The following CACNA1D variants were observed in gnomAD, a reference collection of about 807,000 sequenced individuals.
CACNA1D encodes the protein voltage-dependent L-type calcium channel subunit alpha-1D.
CACNA1D carries 55 observed loss-of-function variants against 257.1 expected under a neutral mutation model. The ratio of observed to expected loss-of-function variants is 0.21; its 90% CI spans 0.17 to 0.27. The LOEUF (loss-of-function observed/expected upper bound fraction) is 0.27, where lower values mean the gene tolerates loss of function less well. Among genes scored for constraint, CACNA1D ranks in the 10% least tolerant of loss-of-function variants. The pLI is 1.00. For synonymous variants in CACNA1D, 980 were observed against 1,014.9 expected (o/e 0.97, Z 0.65); for missense variants, 1,876 against 2,784.0 (o/e 0.67, Z 7.34).
chr3:53,680,532 G>T (rs2094420175), intron 8 of CACNA1D, among the ~76,000 whole-genome samples: 1 of 152,170 alleles, frequency 6.6e-6, no homozygotes, highest in Non-Finnish European at 1.5e-5. Flanking sequence ...GAGGGAGGTT[G>T]TTGAGGGTAT....
At chr3:53,651,881 T>C (rs2094101188) in intron 4 of CACNA1D, among the ~76,000 whole-genome samples, 1 of 152,192 alleles carries the variant, frequency 6.6e-6, no homozygotes, top group African/African-American at 2.4e-5. Context: ...TGCCTTTTCA[T>C]TGGAGACTAA....
At chr3:53,591,800 A>G (rs1199984437) in intron 3 of CACNA1D, among the ~76,000 whole-genome samples, 1 of 152,232 alleles carries the variant, frequency 6.6e-6, no homozygotes, top group Non-Finnish European at 1.5e-5. Flanking sequence ...TGACTAAAAG[A>G]AATAACCAGT....
rs997089610 is a variant in CACNA1D, at chr3:53,494,888, A to G, written c.-279A>G. Reference sequence around the variant, plus strand: ...CAGCAAAAAATTACATGTATATATTATTAAGATAATATATACATTGGATTT... The same window carrying G: ...CAGCAAAAAATTACATGTATATATTGTTAAGATAATATATACATTGGATTT... On this transcript the variant is annotated 5_prime_UTR_variant, in exon 1 of 48. Coordinates refer to ENST00000350061, the MANE Select transcript of CACNA1D (RefSeq NM_001128840.3). 5.0e-5 allele frequency: 18 copies of G among 357,048 alleles called. No individual in the cohort carries two copies. Among genetic ancestry groups the G allele is most frequent in the Non-Finnish European group, 9.0e-5 (17 of 189,286 alleles). The allele number at this position is 357,048 out of a possible 1,614,324, so 22.1% of individuals were successfully genotyped here. A position where few individuals can be genotyped will look rare whatever the true frequency, so the allele number is the denominator to read the frequency against.
chr3:53,611,323 T>C (rs1215656195), intron 3 of CACNA1D, among the ~76,000 whole-genome samples: 1 of 152,180 alleles, frequency 6.6e-6, no homozygotes, highest in East Asian at 1.9e-4. Flanking sequence ...AGTTGGAGGC[T>C]GCAGTTGAGT....
chr3:53,759,729 G>A (rs534512221), intron 29 of CACNA1D, among the ~76,000 whole-genome samples: 6 of 152,322 alleles, frequency 3.9e-5, no homozygotes, highest in South Asian at 2.1e-4. Flanking sequence ...TTATCCATTC[G>A]CAACAAGAGC....
chr3:53,682,365 T>TTAAAAAAAAAAAAAAA, intron 8 of CACNA1D, among the ~76,000 whole-genome samples: 1 of 47,366 alleles, frequency 2.1e-5, no homozygotes, highest in East Asian at 6.3e-4. Context: ...TTGTCTCTGG[T>TTAAAAAAAAAAAAAAA]AAAAAAAAAA....
At chr3:53,730,938 C>A in intron 16 of CACNA1D, 139 bp from the exon 17 acceptor site, 1 of 659,298 alleles carries the variant, frequency 1.5e-6, no homozygotes, top group Non-Finnish European at 2.7e-6. Context: ...TTGGGTTGTG[C>A]TAGGCTCTTG....
At chr3:53,618,381 C>T (rs190826794) in intron 3 of CACNA1D, among the ~76,000 whole-genome samples, 5 of 152,330 alleles carry the variant, frequency 3.3e-5, no homozygotes, top group African/African-American at 1.2e-4. Context: ...TGTGCTGATG[C>T]GGAGACTTCC....
rs543289157 is a variant in CACNA1D, at chr3:53,567,205, C to T, written c.483+65485C>T. On this transcript the variant is annotated intron_variant, in intron 3 of 47. Transcript: ENST00000350061. The stretch of plus-strand genomic sequence containing the variant: ...ATGGTACCCCAACTCAGCACACACT[C>T]ACTAATAATTCATCGCTAAAGTTCA... Among the ~76,000 whole-genome samples the T allele has an allele frequency of 6.6e-5, 10 of 152,304 alleles. No individual in the cohort carries two copies. The South Asian group carries it at 1.7e-3, about 25-fold the overall frequency.
At chr3:53,688,913 TGTACTGTCCCCAGAGGC>T (rs1480255862) in intron 8 of CACNA1D, among the ~76,000 whole-genome samples, 1 of 152,042 alleles carries the variant, frequency 6.6e-6, no homozygotes, top group Non-Finnish European at 1.5e-5. Flanking sequence ...TGCTGAGAGG[TGTACTGTCCCCAGAGGC>T]CCACCTGTCC....
chr3:53,615,187 C>G (rs1337769717), intron 3 of CACNA1D, among the ~76,000 whole-genome samples: 2 of 152,204 alleles, frequency 1.3e-5, no homozygotes, highest in Non-Finnish European at 2.9e-5. Flanking sequence ...ACCTGCTGTT[C>G]AGGCTTCTTC....
chr3:53,653,570 A>G (rs2094119255), intron 4 of CACNA1D, among the ~76,000 whole-genome samples: 1 of 152,188 alleles, frequency 6.6e-6, no homozygotes, highest in Non-Finnish European at 1.5e-5. Context: ...AAAATGAAAA[A>G]TTCTCTGGTT....
In CACNA1D at chr3:53,514,664, C is replaced by G. The variant is rs532391338; in HGVS notation, c.483+12944C>G. ...AGATGGGCTTCAGCCTCACAGCAGTCCTGTGAGGTAGGTGTCGTTAGCCTT... is the reference window on the plus strand; with the variant it reads ...AGATGGGCTTCAGCCTCACAGCAGTGCTGTGAGGTAGGTGTCGTTAGCCTT... On this transcript the variant is annotated intron_variant, in intron 3 of 47. Transcript: ENST00000350061. 1.1e-4 allele frequency among the ~76,000 whole-genome samples: 17 copies of G among 152,236 alleles called. No individual in the cohort carries two copies. The South Asian group carries it at 3.5e-3, about 32-fold the overall frequency.
At chr3:53,762,160 G>A in intron 30 of CACNA1D, 79 bp downstream of exon 30, 1 of 883,444 alleles carries the variant, frequency 1.1e-6, no homozygotes, top group Non-Finnish European at 1.9e-6. Flanking sequence ...GCCCTGCAGT[G>A]GCATCACCTG....
chr3:53,575,068 G>A (rs1051997982), intron 3 of CACNA1D, among the ~76,000 whole-genome samples: 1 of 152,220 alleles, frequency 6.6e-6, no homozygotes, highest in African/African-American at 2.4e-5. Flanking sequence ...GTGCCTCCAG[G>A]ATGTGCCTGG....
At chr3:53,680,514 G>C (rs1220753995) in intron 8 of CACNA1D, among the ~76,000 whole-genome samples, 2 of 152,194 alleles carry the variant, frequency 1.3e-5, no homozygotes, top group Non-Finnish European at 2.9e-5. Flanking sequence ...TTGATGTGCA[G>C]GTTAGAAGAG....
At chr3:53,574,814 G>A (rs775218696) in intron 3 of CACNA1D, among the ~76,000 whole-genome samples, 3 of 152,190 alleles carry the variant, frequency 2.0e-5, no homozygotes, top group African/African-American at 7.2e-5. Flanking sequence ...AATTACATGG[G>A]AGCAGCCAGA....
chr3:53,566,702 C>T (rs760734237), intron 3 of CACNA1D, among the ~76,000 whole-genome samples: 5 of 152,222 alleles, frequency 3.3e-5, no homozygotes, highest in Non-Finnish European at 5.9e-5. Flanking sequence ...GAAAGGAGGG[C>T]AGAGAGGGCC....
intron 8 of CACNA1D, among the ~76,000 whole-genome samples, chr3:53,691,875 C>CATATATAAT (rs1253857806): frequency 5.8e-5 from 3 of 51,852 alleles, no homozygotes; most frequent in East Asian, 5.9e-4. Context: ...ATATATATTA[C>CATATATAAT]ATATAATATA....
Sources: gnomAD v4.1 joint callset for allele counts (sites outside exome capture counted in the v4.1 genomes callset) on GRCh38, gnomAD v4.1.1 for gene constraint, MANE v1.5 for transcripts, NCBI Gene and HGNC (gene_info 2026-07-23, HGNC 2026-07-21) for gene names.